LAT2: variants seen among roughly 807,000 people sequenced by gnomAD.
The protein encoded by LAT2 is linker for activation of T cells family member 2.
Under a neutral mutation model 43.4 loss-of-function variants are expected in LAT2, and 23 were observed. The ratio of observed to expected loss-of-function variants is 0.53; its 90% CI spans 0.38 to 0.75. LAT2 has a LOEUF of 0.75. Among genes scored for constraint, LAT2 ranks in the 30% least tolerant of loss-of-function variants. The probability of loss-of-function intolerance (pLI) is 0.00; values close to 1 mark genes in which losing one functional copy is unlikely to be tolerated. For missense variants in LAT2, 284 were observed against 310.2 expected, an observed-to-expected ratio of 0.92 and a Z score of 0.64; for synonymous variants, 128 against 123.2, an observed-to-expected ratio of 1.04 and a Z score of -0.26.
intron 12 of LAT2, among the ~76,000 whole-genome samples, 156 bp downstream of exon 12, chr7:74,224,353 C>T (rs954533734): frequency 9.2e-5 from 14 of 152,216 alleles, no homozygotes; most frequent in African/African-American, 3.1e-4. Flanking sequence ...CCTTGAACCA[C>T]ACAGGACGGC....
intron 1 of LAT2, among the ~76,000 whole-genome samples, chr7:74,211,242 C>T (rs1254086548): frequency 2.0e-5 from 3 of 151,872 alleles, no homozygotes; most frequent in Admixed American, 6.6e-5. Context: ...AAAGTGAGAG[C>T]GAGACAGAGA....
intron 4 of LAT2, 27 bp downstream of exon 4, chr7:74,216,891 G>A (rs140830662): frequency 4.7e-5 from 75 of 1,606,866 alleles, no homozygotes; most frequent in Non-Finnish European, 6.2e-5. Flanking sequence ...TCCCTAGCCT[G>A]GTGTATTCAT....
Position 74,229,706 on chromosome 7 carries a change from AT to A in LAT2, c.*783del, listed in dbSNP as rs1373511572. ...TCCAGGGCTGGCCTCTGCAGAGCTG[AT>A]TAAACAGTGTTGTGACTGTCTCATG... is the stretch of plus-strand genomic sequence containing the variant. On this transcript the variant is annotated 3_prime_UTR_variant, in exon 14 of 14. Transcript: ENST00000460943. 6.6e-6 allele frequency: 1 copy of A among 152,280 alleles called. No homozygotes were observed. The highest frequency in any genetic ancestry group is 1.5e-5 in the Non-Finnish European group (1 of 68,080). The allele number at this position is 152,280 out of a possible 1,614,324, so 9.4% of individuals were successfully genotyped here.
chr7:74,215,894 G>C (rs939852028), intron 2 of LAT2, 53 bp from the exon 3 acceptor site: 11 of 1,227,612 alleles, frequency 9.0e-6, no homozygotes, highest in African/African-American at 1.5e-5. Flanking sequence ...TGGGGGTGTG[G>C]GGTAGGATTC....
intron 10 of LAT2, among the ~76,000 whole-genome samples, chr7:74,222,810 G>A (rs376385658): frequency 2.9e-4 from 44 of 152,176 alleles, no homozygotes; most frequent in African/African-American, 1.0e-3. Context: ...CCTGACCTCA[G>A]GTGATCCGCC....
intron 13 of LAT2, among the ~76,000 whole-genome samples, chr7:74,226,928 G>A (rs1203344516): frequency 3.3e-5 from 5 of 152,146 alleles, no homozygotes; most frequent in African/African-American, 1.2e-4. Context: ...GGGCCAGGGA[G>A]GAGCAGGTGA....
chr7:74,211,912 G>C (rs1183365050), intron 1 of LAT2, among the ~76,000 whole-genome samples: 3 of 152,014 alleles, frequency 2.0e-5, no homozygotes, highest in Non-Finnish European at 4.4e-5. Context: ...GATGTATTCA[G>C]TCTGGGGGCA....
intron 4 of LAT2, 77 bp downstream of exon 4, chr7:74,216,941 C>G: frequency 1.6e-6 from 2 of 1,274,820 alleles, no homozygotes; most frequent in Non-Finnish European, 2.3e-6. Flanking sequence ...ATTCCTAGCA[C>G]CCCATCCTTC....
At position 74,216,781 on chromosome 7, in the gene LAT2, C is replaced by A. The variant is rs370878736; in HGVS notation, c.95-44C>A. 1,950 of 1,595,180 alleles carry A rather than the reference C, an allele frequency of 1.2e-3. 1 individual carries two copies. Among genetic ancestry groups the A allele is most frequent in the Non-Finnish European group, 1.5e-3 (1,773 of 1,164,226 alleles). ...GCGGGGGGTGTCTGACCTCAGGTCG[C>A]AGCTGCTCCCAGACCCTTTGCTAAT... On this transcript the variant is annotated intron_variant, in intron 3 of 13. Coordinates refer to ENST00000460943, the MANE Select transcript of LAT2 (RefSeq NM_032464.3).
chr7:74,211,855 G>A (rs926173773), intron 1 of LAT2, among the ~76,000 whole-genome samples: 26 of 152,130 alleles, frequency 1.7e-4, no homozygotes, highest in African/African-American at 6.0e-4. Flanking sequence ...GCCTCCCAAA[G>A]TGTTGGGATT....
At chr7:74,210,798 T>C (rs3779412) in intron 1 of LAT2, among the ~76,000 whole-genome samples, 16,099 of 151,712 alleles carry the variant, frequency 0.11, 1,033 homozygotes, top group African/African-American at 0.18. Flanking sequence ...AAAATAAAAA[T>C]AAAAAAATAT....
At chr7:74,213,578 C>T (rs1554713468) in intron 1 of LAT2, among the ~76,000 whole-genome samples, 1 of 152,078 alleles carries the variant, frequency 6.6e-6, no homozygotes, top group Non-Finnish European at 1.5e-5. Flanking sequence ...GCGTGTGCCA[C>T]CACACCCGGC....
chr7:74,211,379 C>G (rs782151312), intron 1 of LAT2, among the ~76,000 whole-genome samples: 1 of 152,210 alleles, frequency 6.6e-6, no homozygotes, highest in Non-Finnish European at 1.5e-5. Flanking sequence ...CAGGTTCAAG[C>G]AGTTCTCCTG....
At chr7:74,224,928 CTCTGTTCT>C in intron 13 of LAT2, 168 bp downstream of exon 13, 1 of 542,276 alleles carries the variant, frequency 1.8e-6, no homozygotes, top group Non-Finnish European at 3.3e-6. Context: ...GACTCTGTTC[CTCTGTTCT>C]GGCCAGGGGC....
At chr7:74,226,931 G>C (rs1339888701) in intron 13 of LAT2, among the ~76,000 whole-genome samples, 1 of 152,124 alleles carries the variant, frequency 6.6e-6, no homozygotes, top group African/African-American at 2.4e-5. Context: ...CCAGGGAGGA[G>C]CAGGTGAGGG....
intron 4 of LAT2, among the ~76,000 whole-genome samples, chr7:74,219,117 A>T (rs1269382010): frequency 1.5e-5 from 2 of 136,458 alleles, no homozygotes; most frequent in African/African-American, 5.6e-5. Flanking sequence ...GCTCACTGCA[A>T]GCTCCGCTTC....
Position 74,221,642 on chromosome 7 carries a change from C to T in LAT2, c.338C>T (p.Pro113Leu), listed in dbSNP as rs1554715282. The T allele has an allele frequency of 2.5e-6, 4 of 1,613,204 alleles. No individual in the cohort carries two copies. The Admixed American group carries it at 5.0e-5, about 20-fold the overall frequency. Reference sequence around the variant, plus strand: ...GTATATGTTTTCTTGGCCAGAGACCCCATTGCCATGGAGTATTACAACTGG... The same window carrying T: ...GTATATGTTTTCTTGGCCAGAGACCTCATTGCCATGGAGTATTACAACTGG... ...RHGSEEAYIDPIAMEYYNWGR... is the reference protein window; with the variant it reads ...RHGSEEAYIDLIAMEYYNWGR... Residue 113 changes from proline to leucine, a missense_variant, in exon 10 of 14, where the codon CCC becomes CTC. Coordinates refer to ENST00000460943, the MANE Select transcript of LAT2 (RefSeq NM_032464.3).
rs1554715840 is a variant in LAT2 at position 74,224,716 on chromosome 7, G to A, written c.706G>A (p.Gly236Arg). ...EEDGEPDYVN[G>R]EVAATEA is the part of the protein sequence containing the mutation. The stretch of plus-strand genomic sequence containing the variant: ...GGACGGGGAACCGGATTACGTGAAT[G>A]GGGAGGTGGCAGCCACAGAAGCCTA... The change falls in exon 13 of 14, where the codon GGG becomes AGG. Residue 236 changes from glycine to arginine, a missense_variant. By Grantham distance (125) the Gly-to-Arg change is moderately radical (BLOSUM62 -2). Transcript: ENST00000460943. The A allele has an allele frequency of 6.2e-7, 1 of 1,603,764 alleles. No homozygotes were observed. Among genetic ancestry groups the A allele is most frequent in the Admixed American group, 1.7e-5 (1 of 58,442 alleles).
At chr7:74,212,365 A>C (rs187765585) in intron 1 of LAT2, among the ~76,000 whole-genome samples, 2 of 151,466 alleles carry the variant, frequency 1.3e-5, no homozygotes, top group South Asian at 2.1e-4. Flanking sequence ...ACTGCAACTC[A>C]CTGCCTCCTG....
Sources: gnomAD v4.1 joint callset for allele counts (sites outside exome capture counted in the v4.1 genomes callset) on GRCh38, gnomAD v4.1.1 for gene constraint, MANE v1.5 for transcripts, NCBI Gene and HGNC (gene_info 2026-07-23, HGNC 2026-07-21) for gene names.